The following PTPRN2 variants were observed in gnomAD, a reference collection of about 807,000 sequenced individuals.
The protein encoded by PTPRN2 is receptor-type tyrosine-protein phosphatase N2.
PTPRN2 carries 74 observed loss-of-function variants against 118.8 expected under a neutral mutation model. That is an observed-to-expected ratio of 0.62 (90% confidence interval 0.52 to 0.76). The LOEUF (loss-of-function observed/expected upper bound fraction) is 0.76. Ranked by LOEUF, PTPRN2 falls within the 30% of genes least tolerant of loss-of-function variation. The pLI, the probability that PTPRN2 is intolerant of heterozygous loss-of-function variation, is 0.00. For missense variants in PTPRN2, 1,481 were observed against 1,394.4 expected, an observed-to-expected ratio of 1.06 and a Z score of -0.99; for synonymous variants, 641 against 608.0, an observed-to-expected ratio of 1.05 and a Z score of -0.80.
intron 12 of PTPRN2, among the ~76,000 whole-genome samples, chr7:157,819,734 C>T (rs955414347): frequency 1.4e-4 from 21 of 152,248 alleles, no homozygotes; most frequent in African/African-American, 4.1e-4. Context: ...TGGGATCCCT[C>T]TGCACGCCCC....
chr7:158,289,953 C>T (rs1287875992), intron 3 of PTPRN2, among the ~76,000 whole-genome samples: 1 of 152,178 alleles, frequency 6.6e-6, no homozygotes, highest in Non-Finnish European at 1.5e-5. Flanking sequence ...GAGCCTTGGC[C>T]TGGATCCACT....
At chr7:158,020,686 C>G (rs1363756333) in intron 11 of PTPRN2, among the ~76,000 whole-genome samples, 1 of 152,140 alleles carries the variant, frequency 6.6e-6, no homozygotes, top group Non-Finnish European at 1.5e-5. Context: ...CCAAAGCCCA[C>G]CAGCCAACAC....
chr7:158,124,612 G>C (rs527706613), intron 9 of PTPRN2, among the ~76,000 whole-genome samples: 2 of 152,386 alleles, frequency 1.3e-5, no homozygotes, highest in African/African-American at 4.8e-5. Context: ...TTGGGAAAGA[G>C]GGGTGTGGAC....
chr7:158,400,105 T>C (rs1812821306), intron 2 of PTPRN2, among the ~76,000 whole-genome samples: 1 of 152,188 alleles, frequency 6.6e-6, no homozygotes, highest in African/African-American at 2.4e-5. Context: ...CAGATGCCTT[T>C]ATGTCATCGT....
chr7:157,705,805 G>C (rs1215785595), intron 12 of PTPRN2, among the ~76,000 whole-genome samples: 1 of 149,720 alleles, frequency 6.7e-6, no homozygotes, highest in African/African-American at 2.5e-5. Flanking sequence ...CCAGAATGCT[G>C]GGAATTGAAT....
At chr7:157,762,468 A>T (rs1229189794) in intron 12 of PTPRN2, among the ~76,000 whole-genome samples, 6 of 151,236 alleles carry the variant, frequency 4.0e-5, no homozygotes, top group Admixed American at 2.6e-4. Flanking sequence ...ATTGGAAATC[A>T]TCATTCTCAG....
intron 14 of PTPRN2, among the ~76,000 whole-genome samples, chr7:157,623,797 C>G: frequency 6.6e-6 from 1 of 152,204 alleles, no homozygotes; most frequent in East Asian, 1.9e-4. Flanking sequence ...GCTGACATCT[C>G]TCTGCACACG....
chr7:157,972,471 A>T (rs1436287296), intron 11 of PTPRN2, among the ~76,000 whole-genome samples: 1 of 152,054 alleles, frequency 6.6e-6, no homozygotes, highest in Non-Finnish European at 1.5e-5. Context: ...GACCACAGGA[A>T]CTCCACACCA....
rs138932013 is a variant in PTPRN2, at chr7:158,511,891, G to T, written c.113-22106C>A. On this transcript the variant is annotated intron_variant, in intron 1 of 22. Coordinates refer to ENST00000389418, the MANE Select transcript of PTPRN2 (RefSeq NM_002847.5). ...GATCAGTGGTTGTCAAGGATTCCGG[G>T]AGAGGAAGGGAGATGTGAGTATGTG... Among the ~76,000 whole-genome samples, 154 of 152,334 alleles carry T rather than the reference G, an allele frequency of 1.0e-3. 1 individual carries two copies. The East Asian group carries it at 0.026, about 26-fold the overall frequency.
At position 157,767,852 on chromosome 7, in the gene PTPRN2, TTTTG is replaced by T. The variant is rs551334915; in HGVS notation, c.1789-84919_1789-84916del. Among the ~76,000 whole-genome samples, 119 of 152,354 alleles carry T rather than the reference TTTTG, an allele frequency of 7.8e-4. 1 individual carries two copies. Among genetic ancestry groups the T allele is most frequent in the African/African-American group, 2.7e-3 (111 of 41,576 alleles). ...TTCCAGCTCTGTGCTCCTTGCTATTTTTTGTTTGTTTGTTTTGTTATTGTTTTTA... is the reference window on the plus strand; with the variant it reads ...TTCCAGCTCTGTGCTCCTTGCTATTTTTTGTTTGTTTTGTTATTGTTTTTA... On this transcript the variant is annotated intron_variant, in intron 12 of 22. Transcript: ENST00000389418.
Position 158,546,990 on chromosome 7 carries a change from C to T in PTPRN2, c.112+40568G>A, listed in dbSNP as rs561011254. Among the ~76,000 whole-genome samples, 5 of 152,250 alleles carry T rather than the reference C, an allele frequency of 3.3e-5. No individual in the cohort carries two copies. The highest frequency in any genetic ancestry group is 1.9e-4 in the East Asian group (1 of 5,158). On this transcript the variant is annotated intron_variant, in intron 1 of 22. Coordinates refer to ENST00000389418, the MANE Select transcript of PTPRN2 (RefSeq NM_002847.5). The surrounding 1 kb of genome is among the most constrained non-coding windows in gnomAD (Gnocchi z 5.0). Reference sequence around the variant, plus strand: ...CAGCCCATGCAGAGCTCAGAGCTCACGGCAGAGCGGCACAGAAAGAAGCTC... The same window carrying T: ...CAGCCCATGCAGAGCTCAGAGCTCATGGCAGAGCGGCACAGAAAGAAGCTC...
At chr7:158,226,949 G>A (rs550269311) in intron 3 of PTPRN2, among the ~76,000 whole-genome samples, 8 of 152,218 alleles carry the variant, frequency 5.3e-5, no homozygotes, top group African/African-American at 1.7e-4. Flanking sequence ...GGAGGAGGGA[G>A]CCAGGCTGAG....
intron 12 of PTPRN2, among the ~76,000 whole-genome samples, chr7:157,853,807 C>A (rs758115114): frequency 2.0e-5 from 3 of 152,210 alleles, no homozygotes; most frequent in East Asian, 1.9e-4. Context: ...TACCTGTGGA[C>A]GTGACCTTAT....
At chr7:158,145,910 C>A (rs1485121991) in intron 6 of PTPRN2, among the ~76,000 whole-genome samples, 2 of 152,200 alleles carry the variant, frequency 1.3e-5, no homozygotes, top group Non-Finnish European at 2.9e-5. Flanking sequence ...TGGTTTGGGG[C>A]AAGCTCGCTC....
chr7:158,170,173 C>A (rs907516440), intron 5 of PTPRN2, among the ~76,000 whole-genome samples: 1 of 152,180 alleles, frequency 6.6e-6, no homozygotes, highest in Non-Finnish European at 1.5e-5. Flanking sequence ...ACAGTGAATG[C>A]CACCACAACA....
Position 157,615,462 on chromosome 7 carries a change from C to G in PTPRN2, c.2344+5900G>C. ...AGGAGGTGTTTAGCCCCGAGCCTCA[C>G]GTGGAAACATCTGATGAGCCTTTGC... On this transcript the variant is annotated intron_variant, in intron 15 of 22. Transcript: ENST00000389418. This position sits in a 1 kb window ranked among gnomAD's most constrained non-coding sequence, Gnocchi z 4.3. 1 of 471,200 alleles carries G rather than the reference C, an allele frequency of 2.1e-6. No homozygotes were observed. The highest frequency in any genetic ancestry group is 1.5e-5 in the South Asian group (1 of 64,568). 29.2% of individuals were successfully genotyped at this position (471,200 alleles called of 1,614,324 possible).
intron 3 of PTPRN2, among the ~76,000 whole-genome samples, chr7:158,303,742 G>A (rs1801069293): frequency 6.6e-6 from 1 of 152,258 alleles, no homozygotes; most frequent in Admixed American, 6.5e-5. Flanking sequence ...GGCCTCATAT[G>A]AGACAAATCA....
intron 4 of PTPRN2, among the ~76,000 whole-genome samples, chr7:158,196,422 T>TG (rs1274383761): frequency 6.6e-6 from 1 of 152,154 alleles, no homozygotes; most frequent in Non-Finnish European, 1.5e-5. Context: ...CCCTCCACCA[T>TG]GGGGGTCTGC....
chr7:158,056,509 T>C (rs1451870810), intron 11 of PTPRN2, among the ~76,000 whole-genome samples: 1 of 152,200 alleles, frequency 6.6e-6, no homozygotes, highest in Non-Finnish European at 1.5e-5. Context: ...CACATGTGCC[T>C]GGGTTTAGGA....
Sources: gnomAD v4.1 joint callset for allele counts (sites outside exome capture counted in the v4.1 genomes callset) on GRCh38, gnomAD v4.1.1 for gene constraint, Gnocchi (gnomAD v3.1) non-coding constraint, MANE v1.5 for transcripts, NCBI Gene and HGNC (gene_info 2026-07-23, HGNC 2026-07-21) for gene names.